Variants in FAM177A1 observed in about 807,000 individuals in gnomAD.
FAM177A1 encodes family with sequence similarity 177 member A1.
Under a neutral mutation model 26.1 loss-of-function variants are expected in FAM177A1, and 22 were observed. The observed-to-expected ratio is 0.84, with a 90% CI of 0.60 to 1.20. The LOEUF (loss-of-function observed/expected upper bound fraction) is 1.20, where lower values mean the gene tolerates loss of function less well. FAM177A1 is among the 50% of genes most tolerant of loss of function. The probability of loss-of-function intolerance (pLI) is 0.00; values close to 1 mark genes in which losing one functional copy is unlikely to be tolerated. For synonymous variants in FAM177A1, 95 were observed against 99.3 expected, an observed-to-expected ratio of 0.96 and a Z score of 0.26; for missense variants, 296 against 291.1, an observed-to-expected ratio of 1.02 and a Z score of -0.12.
chr14:35,076,688 C>G (rs2045401735), intron 2 of FAM177A1, among the ~76,000 whole-genome samples: 2 of 152,112 alleles, frequency 1.3e-5, no homozygotes, highest in Non-Finnish European at 2.9e-5. Flanking sequence ...TTGATGTTCC[C>G]TTACATATCC....
intron 1 of FAM177A1, chr14:35,047,039 C>T: frequency 1.0e-6 from 1 of 998,514 alleles, no homozygotes; most frequent in Non-Finnish European, 1.2e-6. Flanking sequence ...ATATGCCAAA[C>T]GTTTACCAGC....
chr14:35,077,306 G>A, intron 3 of FAM177A1, 90 bp downstream of exon 3: 2 of 1,187,692 alleles, frequency 1.7e-6, no homozygotes. Context: ...CAAACTGAAG[G>A]AGAAACAATA....
At chr14:35,048,041 A>G (rs991074665) in intron 1 of FAM177A1, among the ~76,000 whole-genome samples, 5 of 152,160 alleles carry the variant, frequency 3.3e-5, no homozygotes, top group African/African-American at 1.2e-4. Flanking sequence ...AACAAAAAAC[A>G]CAACTTTCCC....
At chr14:35,051,035 C>T (rs1415788463) in intron 1 of FAM177A1, among the ~76,000 whole-genome samples, 1 of 152,158 alleles carries the variant, frequency 6.6e-6, no homozygotes, top group Admixed American at 6.5e-5. Flanking sequence ...TTTGAACCCT[C>T]AGGACAGGCT....
intron 2 of FAM177A1, among the ~76,000 whole-genome samples, chr14:35,065,993 C>T (rs2045235667): frequency 6.6e-6 from 1 of 151,578 alleles, no homozygotes; most frequent in Admixed American, 6.6e-5. Flanking sequence ...TGAGCCACTG[C>T]ACCCTGCCTA....
chr14:35,059,746 A>G (rs550863780), intron 2 of FAM177A1, among the ~76,000 whole-genome samples: 2 of 152,018 alleles, frequency 1.3e-5, no homozygotes, highest in East Asian at 3.9e-4. Flanking sequence ...ACGGGGTTTC[A>G]CCATGTTGGT....
chr14:35,049,802 A>C (rs1478477059), intron 1 of FAM177A1, among the ~76,000 whole-genome samples: 1 of 152,122 alleles, frequency 6.6e-6, no homozygotes, highest in African/African-American at 2.4e-5. Context: ...AAAAAAACAG[A>C]TCCTGAGAAT....
chr14:35,071,590 C>T lies in FAM177A1; in HGVS notation c.340-5560C>T, dbSNP rs923218662. The stretch of plus-strand genomic sequence containing the variant: ...TCAAGTCAATGTTCAAACAAAGGGC[C>T]CTATATATTCATTCTGTATAGTTGT... On this transcript the variant is annotated intron_variant, in intron 2 of 4. Coordinates refer to ENST00000280987, the MANE Select transcript of FAM177A1 (RefSeq NM_173607.5). Among the ~76,000 whole-genome samples, 5 of 145,278 alleles carry T rather than the reference C, an allele frequency of 3.4e-5. No homozygotes were observed. The Admixed American group carries it at 3.5e-4, about 10-fold the overall frequency.
rs2045437944 is a variant in FAM177A1, at chr14:35,078,963, T to G, written c.443T>G (p.Leu148Trp). Residue 148 changes from leucine (L) to tryptophan (W), a missense_variant, in exon 4 of 5, where the codon TTG (leucine) becomes TGG (tryptophan). Transcript: ENST00000280987. The stretch of plus-strand genomic sequence containing the variant: ...CTTGGAGAGAAGATTGCATCTGTTT[T>G]GGGTATCAGCACCCCAAAGTACCAA... ...DFLGEKIASV[L>W]GISTPKYQYA... The G allele has an allele frequency of 1.3e-6, 2 of 1,554,188 alleles. No individual in the cohort carries two copies. Among genetic ancestry groups the G allele is most frequent in the Non-Finnish European group, 1.7e-6 (2 of 1,161,588 alleles).
At chr14:35,051,170 A>G (rs957731589) in intron 1 of FAM177A1, among the ~76,000 whole-genome samples, 3 of 152,168 alleles carry the variant, frequency 2.0e-5, no homozygotes, top group Admixed American at 6.5e-5. Context: ...CCCAGACTGG[A>G]GTGCAGTGGC....
chr14:35,046,915 G>T (rs1173438672), intron 1 of FAM177A1: 14 of 1,225,010 alleles, frequency 1.1e-5, no homozygotes, highest in African/African-American at 4.8e-5. Context: ...GAAGAAAGGC[G>T]TGTCCCCCAA....
chr14:35,063,333 G>A (rs1036600556), intron 2 of FAM177A1, among the ~76,000 whole-genome samples: 3 of 152,094 alleles, frequency 2.0e-5, no homozygotes, highest in Middle Eastern at 3.4e-3. Flanking sequence ...AGCACTTTGG[G>A]AAGCCAAGGT....
At chr14:35,046,998 C>A in intron 1 of FAM177A1, 1 of 1,040,560 alleles carries the variant, frequency 9.6e-7, no homozygotes, top group Non-Finnish European at 1.2e-6. Flanking sequence ...CTGGTGCGAG[C>A]GCCTGCCTGG....
chr14:35,077,468 CTTTTTTTTTTTTT>C (rs150813883), intron 3 of FAM177A1, among the ~76,000 whole-genome samples: 1 of 79,528 alleles, frequency 1.3e-5, no homozygotes, highest in Non-Finnish European at 2.3e-5. Flanking sequence ...TTTTCAAGTT[CTTTTTTTTTTTTT>C]TTTTTTTTTT....
intron 4 of FAM177A1, among the ~76,000 whole-genome samples, chr14:35,080,240 C>G (rs1442017785): frequency 6.6e-6 from 1 of 152,192 alleles, no homozygotes; most frequent in Admixed American, 6.5e-5. Context: ...GTCTTAACTT[C>G]CCTACTAAGT....
intron 4 of FAM177A1, 90 bp from the exon 5 acceptor site, chr14:35,080,932 T>TTTA: frequency 1.5e-6 from 2 of 1,303,882 alleles, no homozygotes; most frequent in South Asian, 4.3e-5. Flanking sequence ...TTTTTTTTTT[T>TTTA]AAACATAAGC....
intron 1 of FAM177A1, chr14:35,049,997 A>C (rs574113306): frequency 6.6e-6 from 1 of 152,088 alleles, no homozygotes; most frequent in African/African-American, 2.4e-5. Context: ...GCATTTGGAA[A>C]ATTCACAGTG....
At chr14:35,057,967 T>A (rs2045088498) in intron 2 of FAM177A1, among the ~76,000 whole-genome samples, 1 of 152,168 alleles carries the variant, frequency 6.6e-6, no homozygotes, top group African/African-American at 2.4e-5. Context: ...GAAAGTGTTC[T>A]ATAGGTGTCT....
At chr14:35,063,441 G>T (rs563033505) in intron 2 of FAM177A1, among the ~76,000 whole-genome samples, 3 of 151,722 alleles carry the variant, frequency 2.0e-5, no homozygotes, top group African/African-American at 7.3e-5. Flanking sequence ...AGCCAGGCAT[G>T]GGGGCGGGTG....
Sources: gnomAD v4.1 joint callset for allele counts (sites outside exome capture counted in the v4.1 genomes callset) on GRCh38, gnomAD v4.1.1 for gene constraint, MANE v1.5 for transcripts, NCBI Gene and HGNC (gene_info 2026-07-23, HGNC 2026-07-21) for gene names.